Variants in DTWD1 observed in about 807,000 individuals in gnomAD.
DTWD1 encodes the protein DTW motif tRNA-uridine aminocarboxypropyltransferase 1, also known as tRNA-uridine aminocarboxypropyltransferase 1.
Under a neutral mutation model 30.2 loss-of-function variants are expected in DTWD1, and 27 were observed. The ratio of observed to expected loss-of-function variants is 0.90; its 90% CI spans 0.66 to 1.23. The LOEUF is 1.23. DTWD1 is among the 50% of genes most tolerant of loss of function. The probability of loss-of-function intolerance (pLI) is 0.00; values close to 1 mark genes in which losing one functional copy is unlikely to be tolerated. For missense variants in DTWD1, 342 were observed against 348.8 expected (o/e 0.98, Z 0.15); for synonymous variants, 99 against 113.1 (o/e 0.88, Z 0.79).
In DTWD1 at chr15:49,655,807, G is replaced by A. The variant is rs900991586; in HGVS notation, c.*12229G>A. On this transcript the variant is annotated 3_prime_UTR_variant, in exon 5 of 5. Transcript: ENST00000403028. ...GAAATTACTTTGCTGGCTGAAGTTG[G>A]GAATAGAAAACAGTAGAGAATACTT... The A allele has an allele frequency of 6.6e-6, 1 of 151,928 alleles. No homozygotes were observed. The highest frequency in any genetic ancestry group is 1.5e-5 in the Non-Finnish European group (1 of 67,962). The allele number at this position is 151,928 out of a possible 1,614,324, so 9.4% of individuals were successfully genotyped here. A position where few individuals can be genotyped will look rare whatever the true frequency, so the allele number is the denominator to read the frequency against.
At position 49,651,015 on chromosome 15, in the gene DTWD1, T is replaced by C. The variant is rs2079149521; in HGVS notation, c.*7437T>C. ...TTTTATTAGTGGTAAAATGAGAAGA[T>C]TTACCCACGGAAGAGAATGTGCCAG... is the stretch of plus-strand genomic sequence containing the variant. On this transcript the variant is annotated 3_prime_UTR_variant, in exon 5 of 5. Transcript: ENST00000403028. 6.6e-6 allele frequency: 1 copy of C among 152,038 alleles called. No individual in the cohort carries two copies. Among genetic ancestry groups the C allele is most frequent in the African/African-American group, 2.4e-5 (1 of 41,402 alleles). 9.4% of individuals were successfully genotyped at this position (152,038 alleles called of 1,614,324 possible).
At chr15:49,640,300 A>G (rs771330437) in intron 4 of DTWD1, among the ~76,000 whole-genome samples, 7 of 152,022 alleles carry the variant, frequency 4.6e-5, no homozygotes, top group Admixed American at 3.3e-4. Flanking sequence ...AGTTTATTCT[A>G]TTTCACTGCT....
rs551232793 is a variant in DTWD1 at position 49,633,638 on chromosome 15, A to AT, written c.409-892dup. The AT allele has an allele frequency of 8.5e-5, 23 of 271,498 alleles. No individual in the cohort carries two copies. The East Asian group carries it at 2.4e-3, about 28-fold the overall frequency. 16.8% of individuals were successfully genotyped at this position (271,498 alleles called of 1,614,324 possible). A position where few individuals can be genotyped will look rare whatever the true frequency, so the allele number is the denominator to read the frequency against. ...GTATGAGCCACTGTGCCCGGCCAAG[A>AT]TTTTTTGTTTCATAATTTTATTTTA... On this transcript the variant is annotated intron_variant, in intron 3 of 4. Coordinates refer to ENST00000403028, the MANE Select transcript of DTWD1 (RefSeq NM_001144955.2).
intron 4 of DTWD1, among the ~76,000 whole-genome samples, chr15:49,636,819 A>T (rs72731122): frequency 0.054 from 8,278 of 152,260 alleles, 322 homozygotes; most frequent in East Asian, 0.13. Context: ...GCATCAAATT[A>T]GGAGGCACAT....
rs1055235908 is a variant in DTWD1, at chr15:49,650,790, T to C, written c.*7212T>C. The stretch of plus-strand genomic sequence containing the variant: ...CCCTCTATTACAACTTAATTTCTTC[T>C]TCTGCCCAATCCTGCTTCCTCCCCT... On this transcript the variant is annotated 3_prime_UTR_variant, in exon 5 of 5. Coordinates refer to ENST00000403028, the MANE Select transcript of DTWD1 (RefSeq NM_001144955.2). The C allele has an allele frequency of 7.9e-5, 12 of 152,232 alleles. No homozygotes were observed. The highest frequency in any genetic ancestry group is 2.9e-4 in the African/African-American group (12 of 41,446). 9.4% of individuals were successfully genotyped at this position (152,232 alleles called of 1,614,324 possible).
At chr15:49,628,214 TA>T (rs1432647537) in intron 2 of DTWD1, among the ~76,000 whole-genome samples, 3 of 152,162 alleles carry the variant, frequency 2.0e-5, no homozygotes, top group Non-Finnish European at 4.4e-5. Flanking sequence ...TCTTCAGGGG[TA>T]ATGTATGGAG....
rs1330031596 is a variant in DTWD1 at position 49,646,368 on chromosome 15, A to G, written c.*2790A>G. On this transcript the variant is annotated 3_prime_UTR_variant, in exon 5 of 5. Transcript: ENST00000403028. ...AGTACCTTAGAAGATTCTCAGTCTC[A>G]TGTTTCTTGGGCTCTTGACCACTTG... The G allele has an allele frequency of 6.6e-6, 1 of 152,156 alleles. No homozygotes were observed. The highest frequency in any genetic ancestry group is 2.4e-5 in the African/African-American group (1 of 41,422). 9.4% of individuals were successfully genotyped at this position (152,156 alleles called of 1,614,324 possible).
rs907686677 is a variant in DTWD1, at chr15:49,647,658, C to T, written c.*4080C>T. The T allele has an allele frequency of 1.3e-5, 2 of 151,916 alleles. No individual in the cohort carries two copies. The highest frequency in any genetic ancestry group is 4.8e-5 in the African/African-American group (2 of 41,366). The allele number at this position is 151,916 out of a possible 1,614,324, so 9.4% of individuals were successfully genotyped here. A position where few individuals can be genotyped will look rare whatever the true frequency, so the allele number is the denominator to read the frequency against. On this transcript the variant is annotated 3_prime_UTR_variant, in exon 5 of 5. Coordinates refer to ENST00000403028, the MANE Select transcript of DTWD1 (RefSeq NM_001144955.2). ...AAACTTTAACCAAACACTTACTGACCCTACATTGAAGGCCACCAGCCAAAA... is the reference window on the plus strand; with the variant it reads ...AAACTTTAACCAAACACTTACTGACTCTACATTGAAGGCCACCAGCCAAAA...
Position 49,624,050 on chromosome 15 carries a change from TA to T in DTWD1, c.-55-1052del, listed in dbSNP as rs35444815. ...TCAAACTCACTGGGACTTACAATCTTAAAAAAAAAAAGAAAAAGAAAAATTC... is the reference window on the plus strand; with the variant it reads ...TCAAACTCACTGGGACTTACAATCTTAAAAAAAAAAGAAAAAGAAAAATTC... On this transcript the variant is annotated intron_variant, in intron 1 of 4. Coordinates refer to ENST00000403028, the MANE Select transcript of DTWD1 (RefSeq NM_001144955.2). Among the ~76,000 whole-genome samples, 110 of 147,934 alleles carry T rather than the reference TA, an allele frequency of 7.4e-4. No homozygotes were observed. The East Asian group carries it at 0.012, about 16-fold the overall frequency.
rs1366154766 is a variant in DTWD1 at position 49,644,736 on chromosome 15, A to G, written c.*1158A>G. On this transcript the variant is annotated 3_prime_UTR_variant, in exon 5 of 5. Coordinates refer to ENST00000403028, the MANE Select transcript of DTWD1 (RefSeq NM_001144955.2). ...AAGCAGTTACCCCAGTTACCTCACT[A>G]GGTTTAGTTCCTGCTCCCTCCCTTT... The G allele has an allele frequency of 6.6e-6, 1 of 152,206 alleles. No homozygotes were observed. Among genetic ancestry groups the G allele is most frequent in the Non-Finnish European group, 1.5e-5 (1 of 68,062 alleles). 9.4% of individuals were successfully genotyped at this position (152,206 alleles called of 1,614,324 possible).
intron 2 of DTWD1, 167 bp from the exon 3 acceptor site, chr15:49,631,992 G>T: frequency 2.8e-6 from 2 of 716,310 alleles, no homozygotes; most frequent in Non-Finnish European, 4.7e-6. Flanking sequence ...AATTTGGGTT[G>T]GTTTTGTAAC....
rs2079145745 is a variant in DTWD1, at chr15:49,650,310, T to C, written c.*6732T>C. The C allele has an allele frequency of 6.6e-6, 1 of 152,132 alleles. No individual in the cohort carries two copies. Among genetic ancestry groups the C allele is most frequent in the Non-Finnish European group, 1.5e-5 (1 of 68,026 alleles). 9.4% of individuals were successfully genotyped at this position (152,132 alleles called of 1,614,324 possible). ...AATGAGTGACAGGATCTGACTTATA[T>C]TTTTAAAGGATTATTTGGCTTCTTT... On this transcript the variant is annotated 3_prime_UTR_variant, in exon 5 of 5. Coordinates refer to ENST00000403028, the MANE Select transcript of DTWD1 (RefSeq NM_001144955.2).
intron 2 of DTWD1, among the ~76,000 whole-genome samples, chr15:49,626,077 GGT>G (rs1210971145): frequency 6.6e-6 from 1 of 151,886 alleles, no homozygotes; most frequent in East Asian, 1.9e-4. Flanking sequence ...GGTCTGAAAT[GGT>G]GTTTTTAATG....
At chr15:49,638,142 A>G (rs1002630454) in intron 4 of DTWD1, among the ~76,000 whole-genome samples, 5 of 152,198 alleles carry the variant, frequency 3.3e-5, no homozygotes, top group Admixed American at 3.3e-4. Flanking sequence ...TTTCTGAGCC[A>G]TTTTTCTTTA....
At chr15:49,630,272 A>G (rs1432409155) in intron 2 of DTWD1, among the ~76,000 whole-genome samples, 1 of 152,238 alleles carries the variant, frequency 6.6e-6, no homozygotes, top group African/African-American at 2.4e-5. Flanking sequence ...TCAAGAATTT[A>G]ACATATGTTA....
intron 4 of DTWD1, among the ~76,000 whole-genome samples, chr15:49,636,040 AATC>A (rs1419268942): frequency 6.6e-6 from 1 of 152,166 alleles, no homozygotes; most frequent in African/African-American, 2.4e-5. Context: ...ATCTATATCT[AATC>A]ATTATAGATT....
Position 49,653,223 on chromosome 15 carries a change from A to G in DTWD1, c.*9645A>G, listed in dbSNP as rs2079162495. 6.6e-6 allele frequency: 1 copy of G among 152,162 alleles called. No individual in the cohort carries two copies. Among genetic ancestry groups the G allele is most frequent in the African/African-American group, 2.4e-5 (1 of 41,460 alleles). The allele number at this position is 152,162 out of a possible 1,614,324, so 9.4% of individuals were successfully genotyped here. On this transcript the variant is annotated 3_prime_UTR_variant, in exon 5 of 5. Transcript: ENST00000403028. The stretch of plus-strand genomic sequence containing the variant: ...ATCCTGAATTATCTAGGTAGGCTCA[A>G]TATAAGCATGAGTCCTTAAAAGTGG...
chr15:49,631,784 TA>T (rs1339685450), intron 2 of DTWD1, among the ~76,000 whole-genome samples: 1 of 151,932 alleles, frequency 6.6e-6, no homozygotes, highest in Non-Finnish European at 1.5e-5. Flanking sequence ...AAAAATAAAA[TA>T]AAATGGCATA....
chr15:49,638,993 A>C (rs556652867), intron 4 of DTWD1, among the ~76,000 whole-genome samples: 3 of 152,034 alleles, frequency 2.0e-5, no homozygotes, highest in Non-Finnish European at 4.4e-5. Context: ...ATTATACTGT[A>C]ATTGGTTATA....
Sources: gnomAD v4.1 joint callset for allele counts (sites outside exome capture counted in the v4.1 genomes callset) on GRCh38, gnomAD v4.1.1 for gene constraint, MANE v1.5 for transcripts, NCBI Gene and HGNC (gene_info 2026-07-23, HGNC 2026-07-21) for gene names.